Variants in DYRK1A observed in about 807,000 individuals in gnomAD.
The protein encoded by DYRK1A is dual specificity tyrosine-phosphorylation-regulated kinase 1A.
Under a neutral mutation model 79.7 loss-of-function variants are expected in DYRK1A, and 9 were observed. The ratio of observed to expected loss-of-function variants is 0.11; its 90% CI spans 0.07 to 0.20. The LOEUF (loss-of-function observed/expected upper bound fraction) is 0.20, where lower values mean the gene tolerates loss of function less well. Among genes scored for constraint, DYRK1A ranks in the 10% least tolerant of loss-of-function variants. DYRK1A has a pLI of 1.00. For synonymous variants in DYRK1A, 349 were observed against 329.7 expected (o/e 1.06, Z -0.63); for missense variants, 622 against 956.0 (o/e 0.65, Z 4.61).
chr21:37,489,667 C>A (rs1297055119), intron 6 of DYRK1A, among the ~76,000 whole-genome samples: 1 of 150,638 alleles, frequency 6.6e-6, no homozygotes, highest in Non-Finnish European at 1.5e-5. Flanking sequence ...AAAATTGTGA[C>A]AGAAAATTAC....
rs2053871504 is a variant in DYRK1A at position 37,515,582 on chromosome 21, A to G, written c.*3051A>G. On this transcript the variant is annotated 3_prime_UTR_variant, in exon 12 of 12. Coordinates refer to ENST00000647188, the MANE Select transcript of DYRK1A (RefSeq NM_001347721.2). Reference sequence around the variant, plus strand: ...ACTCCTCGTACGGGGCCATATCAGAATTCTAGAATTCTTGCCACTGTGATT... The same window carrying G: ...ACTCCTCGTACGGGGCCATATCAGAGTTCTAGAATTCTTGCCACTGTGATT... 6.6e-6 allele frequency: 1 copy of G among 152,224 alleles called. No homozygotes were observed. The highest frequency in any genetic ancestry group is 2.4e-5 in the African/African-American group (1 of 41,450). The allele number at this position is 152,224 out of a possible 1,614,324, so 9.4% of individuals were successfully genotyped here. A position where few individuals can be genotyped will look rare whatever the true frequency, so the allele number is the denominator to read the frequency against.
rs566052977 is a variant in DYRK1A, at chr21:37,441,194, A to G, written c.10+20810A>G. 4.6e-5 allele frequency among the ~76,000 whole-genome samples: 7 copies of G among 152,268 alleles called. No homozygotes were observed. The East Asian group carries it at 1.3e-3, about 29-fold the overall frequency. ...CAGACTGCAGCATACTTTCTTTGAT[A>G]ATATAGCCATTCTGTCTTAATTTTG... is the stretch of plus-strand genomic sequence containing the variant. On this transcript the variant is annotated intron_variant, in intron 2 of 11. Coordinates refer to ENST00000647188, the MANE Select transcript of DYRK1A (RefSeq NM_001347721.2).
chr21:37,376,944 TTA>T (rs1298369479), intron 1 of DYRK1A, among the ~76,000 whole-genome samples: 1 of 152,144 alleles, frequency 6.6e-6, no homozygotes, highest in African/African-American at 2.4e-5. Context: ...ACACACACAA[TTA>T]TATATATTAT....
intron 1 of DYRK1A, among the ~76,000 whole-genome samples, chr21:37,417,494 TTTTTTA>T (rs1390466909): frequency 1.4e-5 from 2 of 145,644 alleles, no homozygotes; most frequent in Non-Finnish European, 3.0e-5. Flanking sequence ...CGGCCTTGTA[TTTTTTA>T]TTTTTCTTTT....
At chr21:37,402,797 C>T (rs373491550) in intron 1 of DYRK1A, among the ~76,000 whole-genome samples, 10 of 152,066 alleles carry the variant, frequency 6.6e-5, no homozygotes, top group African/African-American at 2.4e-4. Flanking sequence ...GAGTCTTACT[C>T]TGTTGCCCAG....
chr21:37,396,648 A>G (rs950002978), intron 1 of DYRK1A, among the ~76,000 whole-genome samples: 3 of 152,098 alleles, frequency 2.0e-5, no homozygotes, highest in South Asian at 4.2e-4. Flanking sequence ...CTTACTACCT[A>G]CCATGTTTTA....
At chr21:37,467,138 A>C (rs1174457024) in intron 2 of DYRK1A, among the ~76,000 whole-genome samples, 1 of 151,848 alleles carries the variant, frequency 6.6e-6, no homozygotes, top group African/African-American at 2.4e-5. Context: ...AAAAAAACGG[A>C]AACTATCCAC....
chr21:37,439,804 A>G (rs1053587188), intron 2 of DYRK1A, among the ~76,000 whole-genome samples: 1 of 152,170 alleles, frequency 6.6e-6, no homozygotes. Context: ...TTTTAGGTCA[A>G]GTATGGATGT....
chr21:37,483,896 T>C (rs1403662290), intron 5 of DYRK1A, among the ~76,000 whole-genome samples: 2 of 152,098 alleles, frequency 1.3e-5, no homozygotes, highest in African/African-American at 4.8e-5. Context: ...GAGTCCCTCT[T>C]GATTAAGGTC....
At chr21:37,437,653 T>C (rs933969365) in intron 2 of DYRK1A, among the ~76,000 whole-genome samples, 9 of 152,198 alleles carry the variant, frequency 5.9e-5, no homozygotes, top group African/African-American at 2.2e-4. Context: ...TTTAGTTCTT[T>C]TGAGAGTCAT....
intron 1 of DYRK1A, among the ~76,000 whole-genome samples, chr21:37,385,554 T>C (rs576402497): frequency 3.3e-5 from 5 of 152,328 alleles, no homozygotes; most frequent in African/African-American, 1.2e-4. Flanking sequence ...GGACATGCCA[T>C]GCCATTACCT....
intron 1 of DYRK1A, among the ~76,000 whole-genome samples, chr21:37,394,956 A>G (rs931057121): frequency 2.6e-5 from 4 of 152,244 alleles, no homozygotes; most frequent in Admixed American, 6.5e-5. Flanking sequence ...CAAGTATTCT[A>G]CAGTTCACCT....
In DYRK1A at chr21:37,370,570, A is replaced by G. The variant is rs2049410050; in HGVS notation, c.-77+2942A>G. The stretch of plus-strand genomic sequence containing the variant: ...TTTCCTCATATTTGAGAAGGCTTTC[A>G]CGTTTCCTGTACACACACAGGAAGC... On this transcript the variant is annotated intron_variant, in intron 1 of 11. Coordinates refer to ENST00000647188, the MANE Select transcript of DYRK1A (RefSeq NM_001347721.2). Among the ~76,000 whole-genome samples the G allele has an allele frequency of 2.0e-5, 3 of 152,132 alleles. No individual in the cohort carries two copies. In the South Asian group the frequency reaches 6.2e-4, roughly 31 times the overall value.
chr21:37,479,523 T>G (rs1394724742), intron 4 of DYRK1A, among the ~76,000 whole-genome samples: 3 of 151,784 alleles, frequency 2.0e-5, no homozygotes, highest in Non-Finnish European at 4.4e-5. Flanking sequence ...GTTTACCAGT[T>G]ACCTGGACTG....
chr21:37,417,608 C>T (rs1331926626), intron 1 of DYRK1A, among the ~76,000 whole-genome samples: 3 of 138,898 alleles, frequency 2.2e-5, no homozygotes, highest in Non-Finnish European at 3.1e-5. Context: ...TCTCCCCAAC[C>T]CCTGCCTGTG....
chr21:37,376,086 G>A (rs1602357986), intron 1 of DYRK1A, among the ~76,000 whole-genome samples: 4 of 152,118 alleles, frequency 2.6e-5, no homozygotes, highest in Admixed American at 2.6e-4. Flanking sequence ...AGTTCCACTG[G>A]GAGTGGTCAA....
chr21:37,426,919 T>TCAAAAA (rs70940562), intron 2 of DYRK1A, among the ~76,000 whole-genome samples: 1 of 119,308 alleles, frequency 8.4e-6, no homozygotes, highest in African/African-American at 3.3e-5. Flanking sequence ...GACTCGGTTC[T>TCAAAAA]AAAAAAAAAA....
rs540313994 is a variant in DYRK1A at position 37,403,007 on chromosome 21, G to GC, written c.-76-17285dup. ...TTGAACTCTTGACCTCAGGTGATCT[G>GC]CCCCCCCTCAGCCTCCCAAAGTGCT... On this transcript the variant is annotated intron_variant, in intron 1 of 11. Transcript: ENST00000647188. Among the ~76,000 whole-genome samples, 699 of 151,746 alleles carry GC rather than the reference G, an allele frequency of 4.6e-3. 5 individuals carry two copies. The highest frequency in any genetic ancestry group is 5.9e-3 in the Non-Finnish European group (400 of 67,852).
intron 5 of DYRK1A, among the ~76,000 whole-genome samples, chr21:37,482,411 C>T (rs977408149): frequency 2.6e-5 from 4 of 152,248 alleles, no homozygotes; most frequent in South Asian, 2.1e-4. Context: ...TGATGCCCCA[C>T]AAGCCGCAAA....
Sources: gnomAD v4.1 joint callset for allele counts (sites outside exome capture counted in the v4.1 genomes callset) on GRCh38, gnomAD v4.1.1 for gene constraint, MANE v1.5 for transcripts, NCBI Gene and HGNC (gene_info 2026-07-23, HGNC 2026-07-21) for gene names.